Variants in MTMR9 observed in about 807,000 individuals in gnomAD.
MTMR9 encodes myotubularin-related protein 9.
In MTMR9, 39 loss-of-function variants were observed where a neutral mutation model predicts 69.5. The ratio of observed to expected loss-of-function variants is 0.56; its 90% CI spans 0.43 to 0.73. The LOEUF is 0.73. Ranked by LOEUF, MTMR9 falls within the 30% of genes least tolerant of loss-of-function variation. MTMR9 has a pLI of 0.00. For missense variants in MTMR9, 900 were observed against 671.2 expected (o/e 1.34, Z -3.77); for synonymous variants, 354 against 240.8 (o/e 1.47, Z -4.35).
chr8:11,290,125 A>G (rs538602451), intron 1 of MTMR9, among the ~76,000 whole-genome samples: 3 of 152,074 alleles, frequency 2.0e-5, no homozygotes, highest in African/African-American at 7.2e-5. Context: ...AACATTTGGT[A>G]TTGTCTTTCT....
chr8:11,331,170 C>A (rs150947290), downstream of MTMR9: 3 of 1,613,206 alleles, frequency 1.9e-6, no homozygotes, highest in Non-Finnish European at 2.5e-6. Flanking sequence ...GCCCTCCGCT[C>A]CACCCAGCCT....
intron 3 of MTMR9, 74 bp downstream of exon 3, chr8:11,300,222 T>C: frequency 6.5e-7 from 1 of 1,535,326 alleles, no homozygotes; most frequent in Non-Finnish European, 8.9e-7. Flanking sequence ...AAATGATCAC[T>C]TCTTTTGAAG....
chr8:11,298,072 G>C (rs1324824819), intron 2 of MTMR9: 1 of 374,966 alleles, frequency 2.7e-6, no homozygotes, highest in Non-Finnish European at 5.4e-6. Flanking sequence ...TAGCTGGCAA[G>C]TGCTCAGTTA....
intron 3 of MTMR9, chr8:11,300,633 C>G (rs1198089617): frequency 6.6e-6 from 1 of 151,580 alleles, no homozygotes; most frequent in South Asian, 2.1e-4. Context: ...AAAATAAGAG[C>G]AGAAAGCAAT....
downstream of MTMR9, among the ~76,000 whole-genome samples, chr8:11,328,707 A>G (rs1358565456): frequency 6.6e-6 from 1 of 152,226 alleles, no homozygotes; most frequent in Non-Finnish European, 1.5e-5. Context: ...TAATCTCCAA[A>G]TAGCCTTCCA....
In MTMR9 at chr8:11,323,506, G is replaced by C. The variant is rs1402323004; in HGVS notation, c.*718G>C. 2.6e-5 allele frequency: 4 copies of C among 152,230 alleles called. No homozygotes were observed. The highest frequency in any genetic ancestry group is 5.9e-5 in the Non-Finnish European group (4 of 68,036). The allele number at this position is 152,230 out of a possible 1,614,324, so 9.4% of individuals were successfully genotyped here. Reference sequence around the variant, plus strand: ...CAATATACAATTAAAGTAGGAATTTGTTACTGATTGAGAATTGTTACTGGT... The same window carrying C: ...CAATATACAATTAAAGTAGGAATTTCTTACTGATTGAGAATTGTTACTGGT... On this transcript the variant is annotated 3_prime_UTR_variant, in exon 10 of 10. Coordinates refer to ENST00000221086, the MANE Select transcript of MTMR9 (RefSeq NM_015458.4).
At chr8:11,316,587 T>C in intron 7 of MTMR9, 86 bp from the exon 8 acceptor site, 1 of 765,174 alleles carries the variant, frequency 1.3e-6, no homozygotes, top group Non-Finnish European at 2.0e-6. Context: ...GGAGTGTCAC[T>C]GTAATTGTGT....
rs761930022 is a variant in MTMR9 at position 11,319,786 on chromosome 8, C to A, written c.1434C>A (p.Asn478Lys). 1 of 1,614,210 alleles carries A rather than the reference C, an allele frequency of 6.2e-7. No individual in the cohort carries two copies. The highest frequency in any genetic ancestry group is 1.1e-5 in the South Asian group (1 of 91,086). Residue 478 changes from asparagine to lysine, a missense_variant, in exon 9 of 10, where the codon AAC becomes AAA. Asn to Lys is a moderately conservative substitution (Grantham distance 94). Transcript: ENST00000221086. ...TCACCAATCCCCTCTTTGAAGCCAA[C>A]AACCTTGTCATCTGGCCTTCAGTTG... is the stretch of plus-strand genomic sequence containing the variant. ...SKFTNPLFEA[N>K]NLVIWPSVAP...
intron 6 of MTMR9, among the ~76,000 whole-genome samples, chr8:11,310,228 C>G (rs1018112390): frequency 1.3e-5 from 2 of 152,128 alleles, no homozygotes; most frequent in African/African-American, 4.8e-5. Flanking sequence ...GATTTTAGTT[C>G]ATATAGTTAA....
chr8:11,330,124 G>C (rs60639031), downstream of MTMR9, among the ~76,000 whole-genome samples: 1 of 151,456 alleles, frequency 6.6e-6, no homozygotes, highest in African/African-American at 2.4e-5. Flanking sequence ...GCCCCCGCCC[G>C]GCCAGCAGCC....
downstream of MTMR9, chr8:11,332,004 A>G (rs140346793): frequency 1.3e-3 from 2,057 of 1,611,824 alleles, 2 homozygotes; most frequent in Non-Finnish European, 1.5e-3. Flanking sequence ...GCAGTATTAT[A>G]TGCTCCATGA....
rs1026411047 is a variant in MTMR9, at chr8:11,323,643, G to A, written c.*855G>A. The A allele has an allele frequency of 6.6e-6, 1 of 152,090 alleles. No homozygotes were observed. Among genetic ancestry groups the A allele is most frequent in the Admixed American group, 6.6e-5 (1 of 15,266 alleles). 9.4% of individuals were successfully genotyped at this position (152,090 alleles called of 1,614,324 possible). On this transcript the variant is annotated 3_prime_UTR_variant, in exon 10 of 10. Transcript: ENST00000221086. ...ATTTATTATAATCAAGCTACAAATAGGTTTTCTTAAACCAGAGATGCACTG... is the reference window on the plus strand; with the variant it reads ...ATTTATTATAATCAAGCTACAAATAAGTTTTCTTAAACCAGAGATGCACTG...
chr8:11,305,883 G>T (rs1252891957), intron 4 of MTMR9, among the ~76,000 whole-genome samples: 1 of 152,132 alleles, frequency 6.6e-6, no homozygotes. Flanking sequence ...CTTTATTACA[G>T]GTCCAGGTCT....
chr8:11,332,244 C>G (rs556013555), downstream of MTMR9: 191 of 1,418,778 alleles, frequency 1.3e-4, 1 homozygote, highest in African/African-American at 2.4e-3. Context: ...GAGTGAAAGT[C>G]TAACTTCCAT....
chr8:11,309,796 T>C (rs902038822), intron 6 of MTMR9, 108 bp downstream of exon 6: 2 of 1,213,352 alleles, frequency 1.6e-6, no homozygotes, highest in East Asian at 2.4e-5. Flanking sequence ...AGTAAATTAC[T>C]GTGTAGGCTA....
intron 1 of MTMR9, among the ~76,000 whole-genome samples, chr8:11,285,948 C>CTTTTTTT (rs755153057): frequency 6.3e-4 from 67 of 107,080 alleles, no homozygotes; most frequent in Non-Finnish European, 8.5e-4. Flanking sequence ...TTCTTTCTTT[C>CTTTTTTT]TTTTTTTTTT....
Position 11,306,310 on chromosome 8 carries a change from T to A in MTMR9, c.712T>A (p.Ser238Thr), listed in dbSNP as rs780534736. 5.0e-6 allele frequency: 8 copies of A among 1,614,092 alleles called. No individual in the cohort carries two copies. In the South Asian group the frequency reaches 8.8e-5, roughly 18 times the overall value. Residue 238 changes from serine (S) to threonine (T), a missense_variant, in exon 5 of 10, where the codon TCC becomes ACC. By Grantham distance (58) the Ser-to-Thr change is moderately conservative (BLOSUM62 1). Transcript: ENST00000221086. ...GKRGYIIDTR[S>T]LNVAQQTRAK... Reference sequence around the variant, plus strand: ...GCGTGGCTACATCATTGACACCCGATCCCTGAACGTGGCTCAGCAAACTAG... The same window carrying A: ...GCGTGGCTACATCATTGACACCCGAACCCTGAACGTGGCTCAGCAAACTAG...
At chr8:11,333,194 C>G in the MTMR9 span, among the ~76,000 whole-genome samples, 3 of 152,184 alleles carry the variant, frequency 2.0e-5, no homozygotes, top group Non-Finnish European at 2.9e-5. Flanking sequence ...CAAAGAGATT[C>G]ATACCAAGAC....
chr8:11,329,230 C>G (rs777980320), downstream of MTMR9, among the ~76,000 whole-genome samples: 2 of 152,096 alleles, frequency 1.3e-5, no homozygotes, highest in Non-Finnish European at 2.9e-5. Flanking sequence ...CCTGTCTTTA[C>G]AAAAAATAAA....
Sources: gnomAD v4.1 joint callset for allele counts (sites outside exome capture counted in the v4.1 genomes callset) on GRCh38, gnomAD v4.1.1 for gene constraint, MANE v1.5 for transcripts, NCBI Gene and HGNC (gene_info 2026-07-23, HGNC 2026-07-21) for gene names.